CTNND2: variants seen among roughly 807,000 people sequenced by gnomAD.
The protein encoded by CTNND2 is catenin delta-2.
A neutral mutation model predicts 144.4 loss-of-function variants in CTNND2; 22 were observed. The ratio of observed to expected loss-of-function variants is 0.15; its 90% CI spans 0.11 to 0.22. The LOEUF (loss-of-function observed/expected upper bound fraction) is 0.22, where lower values mean the gene tolerates loss of function less well. Among genes scored for constraint, CTNND2 ranks in the 10% least tolerant of loss-of-function variants. The pLI, the probability that CTNND2 is intolerant of heterozygous loss-of-function variation, is 1.00. For missense variants in CTNND2, 1,353 were observed against 1,618.8 expected (o/e 0.84, Z 2.82); for synonymous variants, 751 against 695.6 (o/e 1.08, Z -1.25).
chr5:11,887,999 TC>T (rs1736680996), intron 1 of CTNND2, among the ~76,000 whole-genome samples: 1 of 152,232 alleles, frequency 6.6e-6, no homozygotes, highest in Non-Finnish European at 1.5e-5. Context: ...CTTACTCATA[TC>T]CTTGGATGCT....
chr5:11,544,401 G>A (rs969849657), intron 3 of CTNND2, among the ~76,000 whole-genome samples: 2 of 152,196 alleles, frequency 1.3e-5, no homozygotes, highest in African/African-American at 4.8e-5. Context: ...AATTTAAAAG[G>A]TTAAGGATAT....
At chr5:11,652,340 C>G (rs901473598) in intron 2 of CTNND2, among the ~76,000 whole-genome samples, 4 of 152,168 alleles carry the variant, frequency 2.6e-5, no homozygotes, top group Admixed American at 2.6e-4. Flanking sequence ...CCTCCCCAGC[C>G]ATACTTCTTG....
chr5:11,592,852 T>C (rs1482285513), intron 2 of CTNND2, among the ~76,000 whole-genome samples: 1 of 150,618 alleles, frequency 6.6e-6, no homozygotes, highest in Non-Finnish European at 1.5e-5. Context: ...GCCTACCAGA[T>C]AACATGGTGG....
chr5:11,690,911 A>G (rs1784880167), intron 2 of CTNND2, among the ~76,000 whole-genome samples: 1 of 152,182 alleles, frequency 6.6e-6, no homozygotes, highest in Non-Finnish European at 1.5e-5. Flanking sequence ...ATCACAGCAT[A>G]TTAACCTGAA....
chr5:11,606,502 G>T (rs1387489245), intron 2 of CTNND2, among the ~76,000 whole-genome samples: 1 of 152,140 alleles, frequency 6.6e-6, no homozygotes, highest in Non-Finnish European at 1.5e-5. Context: ...ATCATTTACT[G>T]AGATAGAAAA....
chr5:11,788,879 C>A (rs1447351427), intron 1 of CTNND2, among the ~76,000 whole-genome samples: 1 of 148,622 alleles, frequency 6.7e-6, no homozygotes, highest in East Asian at 2.1e-4. Context: ...CTTCCTGTGT[C>A]CAAGTGTTCT....
chr5:11,733,003 T>G (rs1044251914), intron 1 of CTNND2, among the ~76,000 whole-genome samples: 15 of 152,158 alleles, frequency 9.9e-5, no homozygotes, highest in African/African-American at 3.6e-4. Flanking sequence ...TGGAGGTTCC[T>G]GGAAAGTGGC....
At chr5:11,108,514 A>G (rs1170648808) in intron 14 of CTNND2, among the ~76,000 whole-genome samples, 1 of 152,246 alleles carries the variant, frequency 6.6e-6, no homozygotes, top group African/African-American at 2.4e-5. Flanking sequence ...CAGTTGTGAA[A>G]CAAAGATGAT....
At chr5:11,243,833 G>A (rs1203830357) in intron 9 of CTNND2, among the ~76,000 whole-genome samples, 2 of 152,192 alleles carry the variant, frequency 1.3e-5, no homozygotes, top group African/African-American at 4.8e-5. Context: ...CCATTGAAAA[G>A]AGTCCCAGGA....
chr5:11,255,398 C>T (rs1744135368), intron 9 of CTNND2, among the ~76,000 whole-genome samples: 1 of 152,192 alleles, frequency 6.6e-6, no homozygotes, highest in African/African-American at 2.4e-5. Context: ...GAACTTTCGA[C>T]AGGCAAGTGT....
intron 16 of CTNND2, among the ~76,000 whole-genome samples, chr5:11,072,925 T>C (rs1280540495): frequency 6.6e-6 from 1 of 152,196 alleles, no homozygotes; most frequent in Non-Finnish European, 1.5e-5. Flanking sequence ...CTAACTGCCT[T>C]ATGCCCCCAA....
chr5:11,413,739 C>G (rs1176939249), intron 3 of CTNND2, among the ~76,000 whole-genome samples: 1 of 152,134 alleles, frequency 6.6e-6, no homozygotes. Context: ...ACACTAGATA[C>G]TATTTTCATT....
At chr5:11,518,945 A>G (rs376670857) in intron 3 of CTNND2, among the ~76,000 whole-genome samples, 2 of 152,182 alleles carry the variant, frequency 1.3e-5, no homozygotes, top group Non-Finnish European at 2.9e-5. Flanking sequence ...CAAAGGTAAT[A>G]GAATTTCAAC....
intron 13 of CTNND2, among the ~76,000 whole-genome samples, chr5:11,116,400 A>T (rs1211669939): frequency 1.3e-5 from 2 of 152,322 alleles, no homozygotes; most frequent in East Asian, 3.9e-4. Flanking sequence ...AGAATAATTC[A>T]CCCCAAAATG....
At position 11,764,689 on chromosome 5, in the gene CTNND2, G is replaced by A. The variant is rs117198049; in HGVS notation, c.38-32417C>T. ...TTTCTTCAACTTGTAACCAAAGATC[G>A]TAACTGATACAGTTCAGTCAGCTCT... is the stretch of plus-strand genomic sequence containing the variant. On this transcript the variant is annotated intron_variant, in intron 1 of 21. Transcript: ENST00000304623. Among the ~76,000 whole-genome samples the A allele has an allele frequency of 4.1e-3, 623 of 152,208 alleles. 17 individuals carry two copies. In the South Asian group the frequency reaches 0.074, roughly 18 times the overall value.
intron 2 of CTNND2, among the ~76,000 whole-genome samples, chr5:11,650,986 C>T (rs1227814222): frequency 6.6e-6 from 1 of 152,164 alleles, no homozygotes; most frequent in Non-Finnish European, 1.5e-5. Flanking sequence ...GAAATTCAAG[C>T]CAGCTGCAGA....
At chr5:11,346,731 A>G (rs1754833259) in intron 8 of CTNND2, 104 bp from the exon 9 acceptor site, 1 of 1,097,222 alleles carries the variant, frequency 9.1e-7, no homozygotes, top group Non-Finnish European at 1.2e-6. Flanking sequence ...CATAAAAAAT[A>G]GGGGGTTCAA....
intron 1 of CTNND2, among the ~76,000 whole-genome samples, chr5:11,821,222 A>G (rs2126941364): frequency 6.6e-6 from 1 of 152,262 alleles, no homozygotes; most frequent in East Asian, 1.9e-4. Flanking sequence ...ATCTTATGTA[A>G]ATTTTTATTT....
intron 2 of CTNND2, among the ~76,000 whole-genome samples, chr5:11,675,994 G>C (rs573435573): frequency 6.6e-6 from 1 of 151,736 alleles, no homozygotes; most frequent in Non-Finnish European, 1.5e-5. Context: ...GCTCTGATAA[G>C]GGACAGACTG....
Sources: gnomAD v4.1 joint callset for allele counts (sites outside exome capture counted in the v4.1 genomes callset) on GRCh38, gnomAD v4.1.1 for gene constraint, MANE v1.5 for transcripts, NCBI Gene and HGNC (gene_info 2026-07-23, HGNC 2026-07-21) for gene names.